Variants in SLC39A11 observed in about 807,000 individuals in gnomAD.
SLC39A11 encodes the protein solute carrier family 39 member 11.
A neutral mutation model predicts 36.1 loss-of-function variants in SLC39A11; 33 were observed. The ratio of observed to expected loss-of-function variants is 0.91; its 90% CI spans 0.69 to 1.22. The LOEUF is 1.22. Among genes scored for constraint, SLC39A11 ranks in the 50% most tolerant of loss-of-function variants. The probability of loss-of-function intolerance (pLI) is 0.00; values close to 1 mark genes in which losing one functional copy is unlikely to be tolerated. For synonymous variants in SLC39A11, 166 were observed against 170.3 expected (o/e 0.97, Z 0.20); for missense variants, 432 against 430.3 (o/e 1.00, Z -0.03).
chr17:73,021,330 T>C (rs928049124), intron 4 of SLC39A11, among the ~76,000 whole-genome samples: 1 of 151,902 alleles, frequency 6.6e-6, no homozygotes, highest in Non-Finnish European at 1.5e-5. Flanking sequence ...TCAGTTCCCT[T>C]ACTCTTTCTT....
chr17:72,782,977 G>A (rs1391257292), intron 6 of SLC39A11, among the ~76,000 whole-genome samples: 1 of 134,690 alleles, frequency 7.4e-6, no homozygotes, highest in African/African-American at 2.7e-5. Flanking sequence ...ACTCCAGCCT[G>A]GATGACAGCG....
chr17:73,084,353 C>T (rs965031214), intron 3 of SLC39A11, among the ~76,000 whole-genome samples: 5 of 147,548 alleles, frequency 3.4e-5, no homozygotes, highest in Non-Finnish European at 7.4e-5. Context: ...GGGAGGATCA[C>T]CTGAGTCCAG....
chr17:72,844,542 G>A (rs1008297513), intron 6 of SLC39A11, among the ~76,000 whole-genome samples: 7 of 152,104 alleles, frequency 4.6e-5, no homozygotes, highest in Non-Finnish European at 8.8e-5. Flanking sequence ...CGTGGCATGC[G>A]CCTGTAGTCC....
intron 3 of SLC39A11, among the ~76,000 whole-genome samples, chr17:73,064,940 C>A (rs1352300328): frequency 6.6e-6 from 1 of 152,164 alleles, no homozygotes; most frequent in Non-Finnish European, 1.5e-5. Context: ...CTGCCCCATA[C>A]CCCTGCCTGA....
intron 3 of SLC39A11, among the ~76,000 whole-genome samples, chr17:73,081,670 C>CACAT (rs2060523492): frequency 1.2e-5 from 1 of 82,206 alleles, no homozygotes; most frequent in East Asian, 3.8e-4. Flanking sequence ...CACACACACA[C>CACAT]ATATATATAC....
At chr17:73,005,991 T>A (rs1241344143) in intron 4 of SLC39A11, among the ~76,000 whole-genome samples, 1 of 151,730 alleles carries the variant, frequency 6.6e-6, no homozygotes, top group African/African-American at 2.4e-5. Flanking sequence ...TAAATAAAAT[T>A]ATCATTAGCA....
chr17:72,912,900 C>A (rs975777169), intron 5 of SLC39A11, among the ~76,000 whole-genome samples: 1 of 152,144 alleles, frequency 6.6e-6, no homozygotes, highest in African/African-American at 2.4e-5. Context: ...CATTGGCAAT[C>A]GGCTCAAGAG....
chr17:72,667,228 A>C (rs1165910639), intron 7 of SLC39A11, among the ~76,000 whole-genome samples: 1 of 152,110 alleles, frequency 6.6e-6, no homozygotes, highest in East Asian at 1.9e-4. Context: ...CTAGCCCTGG[A>C]CCCTCACCCT....
In SLC39A11 at chr17:72,932,285, C is replaced by A. The variant is rs1170445846; in HGVS notation, c.430+15467G>T. ...TTTCCTCTTCTACCTGAAGAATGACCTGTTCTTTTATTATTATTATTATTA... is the reference window on the plus strand; with the variant it reads ...TTTCCTCTTCTACCTGAAGAATGACATGTTCTTTTATTATTATTATTATTA... On this transcript the variant is annotated intron_variant, in intron 5 of 9. Coordinates refer to ENST00000255559, the MANE Select transcript of SLC39A11 (RefSeq NM_139177.4). 3.2e-5 allele frequency among the ~76,000 whole-genome samples: 4 copies of A among 123,798 alleles called. No individual in the cohort carries two copies. The East Asian group carries it at 7.9e-4, about 25-fold the overall frequency. The allele number at this position is 123,798 out of a possible 152,430, so 81.2% of individuals were successfully genotyped here.
At chr17:72,898,686 C>T (rs191340110) in intron 5 of SLC39A11, among the ~76,000 whole-genome samples, 1 of 152,166 alleles carries the variant, frequency 6.6e-6, no homozygotes, top group Admixed American at 6.5e-5. Context: ...TACATGTATA[C>T]ATGCATTGTG....
chr17:72,782,423 C>T (rs73353000), intron 6 of SLC39A11, among the ~76,000 whole-genome samples: 5,597 of 152,068 alleles, frequency 0.037, 323 homozygotes, highest in African/African-American at 0.12. Flanking sequence ...ACAGGAGCTG[C>T]GGGAAACTGA....
rs141722771 is a variant in SLC39A11, at chr17:72,653,236, C to G, written c.672-3968G>C. On this transcript the variant is annotated intron_variant, in intron 7 of 9. Coordinates refer to ENST00000255559, the MANE Select transcript of SLC39A11 (RefSeq NM_139177.4). Reference sequence around the variant, plus strand: ...TCTCCTGCTTCAGCCTCCCGAGTAGCTGGGATTACAGGCATGTGCCACCAC... The same window carrying G: ...TCTCCTGCTTCAGCCTCCCGAGTAGGTGGGATTACAGGCATGTGCCACCAC... Among the ~76,000 whole-genome samples, 78 of 151,638 alleles carry G rather than the reference C, an allele frequency of 5.1e-4. No individual in the cohort carries two copies. In the East Asian group the frequency reaches 8.2e-3, roughly 16 times the overall value.
In SLC39A11 at chr17:72,947,293, G is replaced by A. The variant is rs557830655; in HGVS notation, c.430+459C>T. Among the ~76,000 whole-genome samples the A allele has an allele frequency of 5.4e-5, 8 of 149,128 alleles. No homozygotes were observed. The East Asian group carries it at 7.9e-4, about 15-fold the overall frequency. ...GGCGCCACTGCACTCCAGCCTGAGC[G>A]ACAGAGCAAGACTCCATCTCGGGGG... On this transcript the variant is annotated intron_variant, in intron 5 of 9. Coordinates refer to ENST00000255559, the MANE Select transcript of SLC39A11 (RefSeq NM_139177.4).
chr17:72,685,906 T>C (rs1424170507), intron 7 of SLC39A11, among the ~76,000 whole-genome samples: 1 of 151,908 alleles, frequency 6.6e-6, no homozygotes, highest in Admixed American at 6.6e-5. Context: ...CGTGGTGGTA[T>C]ACGCCTATAA....
At chr17:72,878,322 G>A (rs2081026141) in intron 5 of SLC39A11, among the ~76,000 whole-genome samples, 1 of 152,162 alleles carries the variant, frequency 6.6e-6, no homozygotes, top group Admixed American at 6.5e-5. Context: ...GTATCTGGAT[G>A]TTTCACTTCT....
chr17:72,945,927 C>A (rs934886439), intron 5 of SLC39A11, among the ~76,000 whole-genome samples: 3 of 152,194 alleles, frequency 2.0e-5, no homozygotes, highest in Non-Finnish European at 4.4e-5. Context: ...CCGACCCCAC[C>A]AGCCCATGGC....
chr17:72,738,123 G>C (rs964525302), intron 6 of SLC39A11, among the ~76,000 whole-genome samples: 3 of 152,126 alleles, frequency 2.0e-5, no homozygotes, highest in African/African-American at 7.2e-5. Context: ...TCTTGCCTCA[G>C]CCTCCCGAGT....
chr17:72,836,221 A>C (rs1019802935), intron 6 of SLC39A11, among the ~76,000 whole-genome samples: 2 of 152,168 alleles, frequency 1.3e-5, no homozygotes, highest in African/African-American at 2.4e-5. Context: ...ACTTCTCTGT[A>C]ACTCTCTCTG....
intron 5 of SLC39A11, among the ~76,000 whole-genome samples, chr17:72,886,939 T>G (rs1043450729): frequency 1.3e-5 from 2 of 152,254 alleles, no homozygotes; most frequent in Non-Finnish European, 2.9e-5. Flanking sequence ...CTTTCAGGTC[T>G]TTTCTCAAAA....
Sources: gnomAD v4.1 joint callset for allele counts (sites outside exome capture counted in the v4.1 genomes callset) on GRCh38, gnomAD v4.1.1 for gene constraint, MANE v1.5 for transcripts, NCBI Gene and HGNC (gene_info 2026-07-23, HGNC 2026-07-21) for gene names.